The following AHDC1 variants were observed in gnomAD, a reference collection of about 807,000 sequenced individuals.
The protein encoded by AHDC1 is AT-hook DNA binding motif containing 1.
A neutral mutation model predicts 87.9 loss-of-function variants in AHDC1; 7 were observed. That is an observed-to-expected ratio of 0.08 (90% confidence interval 0.05 to 0.15). The LOEUF (loss-of-function observed/expected upper bound fraction) is 0.15. Ranked by LOEUF, AHDC1 falls within the 10% of genes least tolerant of loss-of-function variation. The pLI is 1.00. For synonymous variants in AHDC1, 1,051 were observed against 1,006.8 expected (o/e 1.04, Z -0.83); for missense variants, 1,841 against 2,253.2 (o/e 0.82, Z 3.70).
chr1:27,556,021 A>C (rs2019800592), intron 5 of AHDC1, among the ~76,000 whole-genome samples: 1 of 152,074 alleles, frequency 6.6e-6, no homozygotes. Context: ...TCTGTGGACA[A>C]AGTCAAAGGG....
chr1:27,589,237 G>A (rs1422108534), intron 3 of AHDC1, among the ~76,000 whole-genome samples: 18 of 152,154 alleles, frequency 1.2e-4, no homozygotes, highest in Admixed American at 1.2e-3. Flanking sequence ...CCAGATGTGC[G>A]TGTGCCTCTA....
chr1:27,591,464 C>T (rs1183750470), intron 3 of AHDC1, among the ~76,000 whole-genome samples: 10 of 152,196 alleles, frequency 6.6e-5, no homozygotes, highest in African/African-American at 2.2e-4. Context: ...TCCCAGGTGA[C>T]CACCTTTCGG....
At position 27,549,621 on chromosome 1, in the gene AHDC1, C is replaced by T. The variant is rs1276300681; in HGVS notation, c.2495G>A (p.Arg832His). 9 of 1,613,006 alleles carry T rather than the reference C, an allele frequency of 5.6e-6. No individual in the cohort carries two copies. The highest frequency in any genetic ancestry group is 6.8e-6 in the Non-Finnish European group (8 of 1,180,008). Residue 832 changes from arginine (R) to histidine (H), a missense_variant, in exon 8 of 9, where the codon CGC becomes CAC. Coordinates refer to ENST00000673934, the MANE Select transcript of AHDC1 (RefSeq NM_001371928.1). Reference sequence around the variant, plus strand: ...AAAGTAGCCGGTGAAGAGGTTTTGGCGCTCCTGGCTGAGCTCGGTCTGGCC... The same window carrying T: ...AAAGTAGCCGGTGAAGAGGTTTTGGTGCTCCTGGCTGAGCTCGGTCTGGCC... ...PSGQTELSQE[R>H]QNLFTGYFRS...
rs35361974 is a variant in AHDC1, at chr1:27,535,798, T to C, written c.*44-882A>G. On this transcript the variant is annotated intron_variant, in intron 8 of 8. Coordinates refer to ENST00000673934, the MANE Select transcript of AHDC1 (RefSeq NM_001371928.1). ...AGTACCCCTTTTTCCCAGACAGTTCTCATTATGCTTGCGGGGCCCTGGGGA... is the reference window on the plus strand; with the variant it reads ...AGTACCCCTTTTTCCCAGACAGTTCCCATTATGCTTGCGGGGCCCTGGGGA... Among the ~76,000 whole-genome samples the C allele has an allele frequency of 4.5e-3, 679 of 152,158 alleles. 4 individuals carry two copies. The highest frequency in any genetic ancestry group is 7.1e-3 in the Non-Finnish European group (483 of 68,014).
At chr1:27,552,400 C>CTTTT (rs750916427) in intron 7 of AHDC1, 6 of 271,918 alleles carry the variant, frequency 2.2e-5, no homozygotes, top group Non-Finnish European at 2.7e-5. Flanking sequence ...CCCAGTTTCA[C>CTTTT]TTTTTTTTTT....
intron 3 of AHDC1, among the ~76,000 whole-genome samples, chr1:27,592,406 G>T (rs1231910110): frequency 6.6e-6 from 1 of 152,162 alleles, no homozygotes; most frequent in Non-Finnish European, 1.5e-5. Flanking sequence ...CACCGGAGCC[G>T]CCTGACAGAC....
intron 3 of AHDC1, among the ~76,000 whole-genome samples, chr1:27,581,944 A>C (rs2088921333): frequency 6.6e-6 from 1 of 152,164 alleles, no homozygotes; most frequent in Non-Finnish European, 1.5e-5. Flanking sequence ...CGTTCTGGAC[A>C]GATTCTGCCC....
intron 3 of AHDC1, among the ~76,000 whole-genome samples, chr1:27,568,874 C>T (rs1395821361): frequency 6.6e-6 from 1 of 151,954 alleles, no homozygotes; most frequent in Non-Finnish European, 1.5e-5. Context: ...GTACAAAAGG[C>T]GACTTGTTCT....
At chr1:27,573,274 C>T (rs575074493) in intron 3 of AHDC1, among the ~76,000 whole-genome samples, 1 of 152,304 alleles carries the variant, frequency 6.6e-6, no homozygotes, top group East Asian at 1.9e-4. Context: ...AATCCAACCT[C>T]CTTCGCTATG....
chr1:27,547,622 C>T lies in AHDC1; in HGVS notation c.4494G>A (p.Ala1498=), dbSNP rs368578678. ...LADFLGRTEA[A]CLSAPHLASP... ...TAGCCAGGTGAGGGGCACTGAGGCACGCGGCCTCCGTCCTGCCCAGGAAGT... is the reference window on the plus strand; with the variant it reads ...TAGCCAGGTGAGGGGCACTGAGGCATGCGGCCTCCGTCCTGCCCAGGAAGT... The change falls in exon 8 of 9, where the codon GCG becomes GCA. Residue 1498 remains alanine, a synonymous_variant. Coordinates refer to ENST00000673934, the MANE Select transcript of AHDC1 (RefSeq NM_001371928.1). This position sits in a 1 kb window ranked among gnomAD's most constrained non-coding sequence, Gnocchi z 4.9. The T allele has an allele frequency of 3.9e-5, 62 of 1,600,466 alleles. No homozygotes were observed. The highest frequency in any genetic ancestry group is 1.4e-4 in the East Asian group (6 of 44,194).
chr1:27,548,869 A>G lies in AHDC1; in HGVS notation c.3247T>C (p.Ser1083Pro). The change falls in exon 8 of 9, where the codon TCT becomes CCT. Residue 1083 changes from serine to proline, a missense_variant. This residue lies in a region of AHDC1 where 378 missense variants were observed against 399.0 expected (regional missense o/e 0.95). Transcript: ENST00000673934. ...GTTASATSAA[S>P]AASSSSSSFQ... ...GAGGAGGAGGAGGAGGAGGCGGCAG[A>G]GGCTGCAGAGGTGGCAGAGGCTGTG... 6.2e-7 allele frequency: 1 copy of G among 1,612,414 alleles called. No homozygotes were observed.
chr1:27,572,341 C>T (rs987025534), intron 3 of AHDC1, among the ~76,000 whole-genome samples: 1 of 152,116 alleles, frequency 6.6e-6, no homozygotes, highest in Non-Finnish European at 1.5e-5. Context: ...TCCAGGTGTC[C>T]TGGGGCCCCC....
At chr1:27,557,246 AG>A (rs2019863191) in intron 5 of AHDC1, among the ~76,000 whole-genome samples, 1 of 150,776 alleles carries the variant, frequency 6.6e-6, no homozygotes, top group Non-Finnish European at 1.5e-5. Context: ...CCAGGGACTA[AG>A]CTTCCCGCCC....
At chr1:27,578,824 G>A (rs906161718) in intron 3 of AHDC1, among the ~76,000 whole-genome samples, 6 of 151,436 alleles carry the variant, frequency 4.0e-5, no homozygotes, top group Non-Finnish European at 8.8e-5. Flanking sequence ...AGACTCCCGA[G>A]TAGCTGGGAT....
At chr1:27,566,231 G>C (rs2020307949) in intron 3 of AHDC1, among the ~76,000 whole-genome samples, 1 of 152,152 alleles carries the variant, frequency 6.6e-6, no homozygotes, top group South Asian at 2.1e-4. Context: ...GAGACAGAAA[G>C]ATGAAGGACA....
chr1:27,585,625 G>A (rs555214679), intron 3 of AHDC1, among the ~76,000 whole-genome samples: 9 of 152,280 alleles, frequency 5.9e-5, no homozygotes, highest in Admixed American at 2.0e-4. Context: ...ACAAGGAAAC[G>A]GGAAGAGGTA....
At chr1:27,537,119 G>GA (rs376056053) in intron 8 of AHDC1, among the ~76,000 whole-genome samples, 5 of 152,174 alleles carry the variant, frequency 3.3e-5, no homozygotes, top group Admixed American at 3.3e-4. Context: ...GGGGAGGGGG[G>GA]AAATCAAAGC....
chr1:27,602,986 TC>T (rs552714980), intron 3 of AHDC1, among the ~76,000 whole-genome samples: 2,439 of 69,508 alleles, frequency 0.035, 29 homozygotes, highest in South Asian at 0.056. Context: ...CCCCCTTCAT[TC>T]CCCCCCCCCC....
intron 8 of AHDC1, among the ~76,000 whole-genome samples, chr1:27,545,823 C>T (rs2019138197): frequency 6.6e-6 from 1 of 152,002 alleles, no homozygotes; most frequent in South Asian, 2.1e-4. Context: ...AAGTAAATTT[C>T]CTTGAAAAGA....
Sources: gnomAD v4.1 joint callset for allele counts (sites outside exome capture counted in the v4.1 genomes callset) on GRCh38, gnomAD v4.1.1 for gene constraint, gnomAD v4.1.1 regional missense constraint, Gnocchi (gnomAD v3.1) non-coding constraint, MANE v1.5 for transcripts, NCBI Gene and HGNC (gene_info 2026-07-23, HGNC 2026-07-21) for gene names.